The following CFAP299 variants were observed in gnomAD, a reference collection of about 807,000 sequenced individuals.
CFAP299 encodes the protein cilia and flagella associated protein 299, also known as cilia- and flagella-associated protein 299.
CFAP299 carries 21 observed loss-of-function variants against 27.0 expected under a neutral mutation model. The observed-to-expected ratio is 0.78, with a 90% CI of 0.55 to 1.12. CFAP299 has a LOEUF of 1.12. Ranked by LOEUF, CFAP299 falls within the 50% of genes most tolerant of loss-of-function variation. CFAP299 has a pLI of 0.00. For synonymous variants in CFAP299, 104 were observed against 98.1 expected (o/e 1.06, Z -0.36); for missense variants, 310 against 276.6 (o/e 1.12, Z -0.86).
intron 3 of CFAP299, among the ~76,000 whole-genome samples, chr4:80,594,290 G>C (rs1560644994): frequency 6.6e-6 from 1 of 152,098 alleles, no homozygotes; most frequent in South Asian, 2.1e-4. Flanking sequence ...ATTGAAGGTG[G>C]AACTTTTCAA....
At chr4:80,770,469 A>G (rs758831995) in intron 3 of CFAP299, among the ~76,000 whole-genome samples, 2 of 152,132 alleles carry the variant, frequency 1.3e-5, no homozygotes, top group Non-Finnish European at 2.9e-5. Flanking sequence ...AAATTTTGCT[A>G]AGCATTCTGC....
intron 3 of CFAP299, among the ~76,000 whole-genome samples, chr4:80,790,794 C>A (rs750311750): frequency 6.6e-6 from 1 of 152,022 alleles, no homozygotes; most frequent in East Asian, 1.9e-4. Flanking sequence ...CAGAAGTTAC[C>A]GGGGAGAATT....
At chr4:80,849,378 C>T (rs1731370801) in intron 3 of CFAP299, among the ~76,000 whole-genome samples, 1 of 152,028 alleles carries the variant, frequency 6.6e-6, no homozygotes, top group South Asian at 2.1e-4. Context: ...ATTTTTAAAA[C>T]TGTTATGAGA....
At chr4:80,492,183 T>TTTTA (rs1731169957) in intron 2 of CFAP299, among the ~76,000 whole-genome samples, 1 of 152,204 alleles carries the variant, frequency 6.6e-6, no homozygotes, top group Non-Finnish European at 1.5e-5. Context: ...AATGCATTTC[T>TTTTA]TAAATGTATT....
At chr4:80,561,535 A>G (rs1735034681) in intron 2 of CFAP299, among the ~76,000 whole-genome samples, 1 of 152,118 alleles carries the variant, frequency 6.6e-6, no homozygotes, top group Non-Finnish European at 1.5e-5. Context: ...AAATAGCTGT[A>G]TTGAGGAAAC....
Position 80,799,813 on chromosome 4 carries a change from A to ATATATT in CFAP299, c.334-70175_334-70174insTTATAT, listed in dbSNP as rs1185329889. On this transcript the variant is annotated intron_variant, in intron 3 of 5. Transcript: ENST00000358105. The stretch of plus-strand genomic sequence containing the variant: ...ATATTATATTATATAATATATAAAT[A>ATATATT]TATATATTATATATATTTATATATT... Among the ~76,000 whole-genome samples the ATATATT allele has an allele frequency of 9.9e-3, 216 of 21,868 alleles. 4 individuals carry two copies. The African/African-American group carries it at 0.13, about 13-fold the overall frequency. 14.3% of individuals were successfully genotyped at this position (21,868 alleles called of 152,430 possible).
intron 3 of CFAP299, among the ~76,000 whole-genome samples, chr4:80,825,913 G>T (rs564343053): frequency 2.0e-5 from 3 of 151,968 alleles, no homozygotes; most frequent in African/African-American, 7.2e-5. Context: ...CCAATAAATT[G>T]TTTTAAAAAT....
intron 2 of CFAP299, among the ~76,000 whole-genome samples, chr4:80,531,260 T>G (rs1303148783): frequency 6.6e-6 from 1 of 152,140 alleles, no homozygotes; most frequent in Admixed American, 6.5e-5. Flanking sequence ...GTAAAAGAAA[T>G]AAATCAGGCA....
At chr4:80,480,931 G>A (rs1289470909) in intron 2 of CFAP299, among the ~76,000 whole-genome samples, 2 of 151,968 alleles carry the variant, frequency 1.3e-5, no homozygotes, top group Non-Finnish European at 2.9e-5. Context: ...CCCTTAAAGT[G>A]TAACTAATAT....
At chr4:80,707,442 T>C (rs547731643) in intron 3 of CFAP299, among the ~76,000 whole-genome samples, 2 of 152,112 alleles carry the variant, frequency 1.3e-5, no homozygotes, top group Admixed American at 1.3e-4. Flanking sequence ...AGAATGACAA[T>C]GTTAAGAAAC....
At chr4:80,770,843 C>CG (rs1578107949) in intron 3 of CFAP299, among the ~76,000 whole-genome samples, 1 of 152,080 alleles carries the variant, frequency 6.6e-6, no homozygotes, top group Non-Finnish European at 1.5e-5. Flanking sequence ...CTCTCAGCTT[C>CG]GGGGGGCTGC....
At chr4:80,537,859 ATATATTAAT>A (rs1179800669) in intron 2 of CFAP299, among the ~76,000 whole-genome samples, 1 of 152,148 alleles carries the variant, frequency 6.6e-6, no homozygotes, top group African/African-American at 2.4e-5. Context: ...GATGTGATGA[ATATATTAAT>A]TAGCTTGATT....
chr4:80,774,635 TA>T (rs2110086238), intron 3 of CFAP299, among the ~76,000 whole-genome samples: 1 of 152,100 alleles, frequency 6.6e-6, no homozygotes, highest in East Asian at 1.9e-4. Flanking sequence ...TATAAATATA[TA>T]TTGTGATAAC....
chr4:80,681,435 A>AC (rs1384657111), intron 3 of CFAP299, among the ~76,000 whole-genome samples: 1 of 152,050 alleles, frequency 6.6e-6, no homozygotes, highest in East Asian at 1.9e-4. Context: ...GGCAAAAAAA[A>AC]AAACTGAGAA....
At chr4:80,666,136 T>C (rs1577993003) in intron 3 of CFAP299, among the ~76,000 whole-genome samples, 2 of 152,328 alleles carry the variant, frequency 1.3e-5, no homozygotes, top group East Asian at 3.9e-4. Flanking sequence ...ATAGGATTAT[T>C]TCTATAGCAT....
intron 2 of CFAP299, among the ~76,000 whole-genome samples, chr4:80,364,023 CT>C (rs1490774682): frequency 6.0e-5 from 9 of 150,020 alleles, no homozygotes; most frequent in African/African-American, 1.5e-4. Flanking sequence ...GGAGGCGGAG[CT>C]TGCAGTGAGC....
At chr4:80,537,038 A>T (rs2110194265) in intron 2 of CFAP299, among the ~76,000 whole-genome samples, 1 of 152,266 alleles carries the variant, frequency 6.6e-6, no homozygotes, top group South Asian at 2.1e-4. Flanking sequence ...AAAAATGAGC[A>T]ATGGAACTAA....
chr4:80,799,970 A>G (rs1728305876), intron 3 of CFAP299, among the ~76,000 whole-genome samples: 1 of 58,146 alleles, frequency 1.7e-5, no homozygotes, highest in African/African-American at 7.1e-5. Flanking sequence ...TATAATATTT[A>G]TATAATATAA....
At chr4:80,861,768 A>C (rs1319692773) in intron 3 of CFAP299, among the ~76,000 whole-genome samples, 1 of 152,196 alleles carries the variant, frequency 6.6e-6, no homozygotes, top group African/African-American at 2.4e-5. Context: ...ATAAAAAATA[A>C]TGCAAGTAAA....
Sources: allele counts gnomAD v4.1 joint callset (sites outside exome capture counted in the v4.1 genomes callset), GRCh38; gene constraint gnomAD v4.1.1; transcripts MANE v1.5; gene names NCBI Gene and HGNC (gene_info 2026-07-23, HGNC 2026-07-21).